Variants in MAP3K13 observed in about 807,000 individuals in gnomAD.
MAP3K13 encodes the protein leucine zipper-bearing kinase.
MAP3K13 carries 52 observed loss-of-function variants against 104.0 expected under a neutral mutation model. The observed-to-expected ratio is 0.50, with a 90% CI of 0.40 to 0.63. The LOEUF is 0.63. Among genes scored for constraint, MAP3K13 ranks in the 20% least tolerant of loss-of-function variants. MAP3K13 has a pLI of 0.00. For missense variants in MAP3K13, 914 were observed against 1,218.5 expected (o/e 0.75, Z 3.72); for synonymous variants, 394 against 442.2 (o/e 0.89, Z 1.37).
At chr3:185,479,042 A>G (rs1577630691) in intron 12 of MAP3K13, among the ~76,000 whole-genome samples, 1 of 152,160 alleles carries the variant, frequency 6.6e-6, no homozygotes, top group Non-Finnish European at 1.5e-5. Flanking sequence ...CTTATAAACA[A>G]CGGGAAGGAA....
chr3:185,390,789 A>G (rs1220898242), intron 1 of MAP3K13, among the ~76,000 whole-genome samples: 1 of 107,166 alleles, frequency 9.3e-6, no homozygotes, highest in African/African-American at 3.8e-5. Flanking sequence ...ACGCCCAGCT[A>G]ATTTTTGTAT....
chr3:185,389,834 T>C (rs1560079843), intron 1 of MAP3K13, among the ~76,000 whole-genome samples: 1 of 152,124 alleles, frequency 6.6e-6, no homozygotes, highest in Non-Finnish European at 1.5e-5. Flanking sequence ...ATAATAAACC[T>C]ATCATACAGT....
chr3:185,365,032 A>T lies in MAP3K13; in HGVS notation c.-86+1664A>T, dbSNP rs942600067. ...GTTGTTTAATAATCAAACTCATCTT[A>T]AAAAATGTTCATCAGACTCTGTCTT... On this transcript the variant is annotated intron_variant, in intron 1 of 13. Coordinates refer to ENST00000265026, the MANE Select transcript of MAP3K13 (RefSeq NM_004721.5). Among the ~76,000 whole-genome samples the T allele has an allele frequency of 7.2e-5, 11 of 152,194 alleles. No individual in the cohort carries two copies. In the East Asian group the frequency reaches 9.6e-4, roughly 13 times the overall value.
chr3:185,441,701 G>A (rs980505653), intron 3 of MAP3K13, among the ~76,000 whole-genome samples: 2 of 151,866 alleles, frequency 1.3e-5, no homozygotes, highest in African/African-American at 2.4e-5. Flanking sequence ...ACAGGAGTTC[G>A]AGAGCAGCCT....
In MAP3K13 at chr3:185,428,779, A is replaced by G. The variant is rs754880556; in HGVS notation, c.198A>G (p.Thr66=). 1 of 1,614,160 alleles carries G rather than the reference A, an allele frequency of 6.2e-7. No individual in the cohort carries two copies. The change falls in exon 2 of 14, where the codon ACA becomes ACG. Residue 66 remains threonine (T), a synonymous_variant. Transcript: ENST00000265026. ...AGAGCGTGCACAGCCCCGTCACCACAACAGTGTTGACGAGCGTAAGTGAGG... is the reference window on the plus strand; with the variant it reads ...AGAGCGTGCACAGCCCCGTCACCACGACAGTGTTGACGAGCGTAAGTGAGG... ...LIESVHSPVT[T]TVLTSVSEDS... is the part of the protein sequence containing the mutation.
chr3:185,294,789 A>G (rs1720861426), intron 2 of MAP3K13, among the ~76,000 whole-genome samples: 1 of 152,232 alleles, frequency 6.6e-6, no homozygotes, highest in East Asian at 1.9e-4. Flanking sequence ...AAAGTTCAAG[A>G]GAGTAGTTAA....
chr3:185,473,910 T>C lies in MAP3K13; in HGVS notation c.2430+149T>C. On this transcript the variant is annotated intron_variant, in intron 11 of 13. Coordinates refer to ENST00000265026, the MANE Select transcript of MAP3K13 (RefSeq NM_004721.5). This position sits in a 1 kb window ranked among gnomAD's most constrained non-coding sequence, Gnocchi z 4.9. Reference sequence around the variant, plus strand: ...AAACATAAATAGAAATTTATTTTACTTTAAATTCGTTCTTTCCACACTGTT... The same window carrying C: ...AAACATAAATAGAAATTTATTTTACCTTAAATTCGTTCTTTCCACACTGTT... 1 of 943,318 alleles carries C rather than the reference T, an allele frequency of 1.1e-6. No individual in the cohort carries two copies. Among genetic ancestry groups the C allele is most frequent in the South Asian group, 1.8e-5 (1 of 55,166 alleles). 58.4% of individuals were successfully genotyped at this position (943,318 alleles called of 1,614,324 possible). A position where few individuals can be genotyped will look rare whatever the true frequency, so the allele number is the denominator to read the frequency against.
chr3:185,457,391 C>T (rs1035255551), intron 7 of MAP3K13, among the ~76,000 whole-genome samples: 4 of 152,320 alleles, frequency 2.6e-5, no homozygotes, highest in African/African-American at 7.2e-5. Flanking sequence ...GTTAGTCTCA[C>T]GGTTCTGGAG....
rs377014980 is a variant in MAP3K13, at chr3:185,450,959, G to A, written c.1170-328G>A. ...AAAAAAATTAGCCAGGTCTGGTGGC[G>A]GGTGCCTGTAGTCCCAGCTACTCAG... On this transcript the variant is annotated intron_variant, in intron 6 of 13. Coordinates refer to ENST00000265026, the MANE Select transcript of MAP3K13 (RefSeq NM_004721.5). This position sits in a 1 kb window ranked among gnomAD's most constrained non-coding sequence, Gnocchi z 4.2. 3.9e-5 allele frequency among the ~76,000 whole-genome samples: 6 copies of A among 152,230 alleles called. No homozygotes were observed. The highest frequency in any genetic ancestry group is 3.9e-4 in the East Asian group (2 of 5,178).
chr3:185,459,419 A>T (rs572287195), intron 7 of MAP3K13, among the ~76,000 whole-genome samples: 1 of 152,128 alleles, frequency 6.6e-6, no homozygotes, highest in Non-Finnish European at 1.5e-5. Context: ...TAAAATAAAG[A>T]TAGTATAAAA....
intron 2 of MAP3K13, among the ~76,000 whole-genome samples, chr3:185,314,036 T>C (rs1455113896): frequency 6.6e-6 from 1 of 152,256 alleles, no homozygotes; most frequent in African/African-American, 2.4e-5. Context: ...AGATCCAGAT[T>C]CAGTCCTTGA....
intron 2 of MAP3K13, chr3:185,328,587 C>T (rs1421428105): frequency 1.3e-5 from 2 of 152,220 alleles, no homozygotes; most frequent in Non-Finnish European, 2.9e-5. Flanking sequence ...ATATTTGAAG[C>T]TCAGAGGACT....
intron 2 of MAP3K13, among the ~76,000 whole-genome samples, chr3:185,337,311 T>C (rs545379432): frequency 3.3e-5 from 5 of 152,314 alleles, no homozygotes; most frequent in South Asian, 4.2e-4. Context: ...ACACTTGCAA[T>C]ACAAACTTAG....
chr3:185,368,510 A>C (rs545776262), intron 1 of MAP3K13, among the ~76,000 whole-genome samples: 2 of 152,168 alleles, frequency 1.3e-5, no homozygotes, highest in African/African-American at 4.8e-5. Context: ...GGTGCAGTGG[A>C]AGGTAAGAAG....
intron 2 of MAP3K13, among the ~76,000 whole-genome samples, chr3:185,295,466 G>A (rs1720889974): frequency 6.6e-6 from 1 of 152,214 alleles, no homozygotes; most frequent in South Asian, 2.1e-4. Context: ...GCCTCCCAAA[G>A]TGCTGGGATT....
At chr3:185,398,377 A>T (rs551793924) in intron 1 of MAP3K13, among the ~76,000 whole-genome samples, 4 of 152,336 alleles carry the variant, frequency 2.6e-5, no homozygotes, top group African/African-American at 9.6e-5. Flanking sequence ...TATCCTGTGA[A>T]GGCAGATGAG....
intron 2 of MAP3K13, among the ~76,000 whole-genome samples, chr3:185,320,351 G>A (rs1441609520): frequency 6.6e-6 from 1 of 152,172 alleles, no homozygotes; most frequent in Non-Finnish European, 1.5e-5. Context: ...AAAGTACTGG[G>A]ATTACAGGCA....
At chr3:185,365,502 C>T (rs532253608) in intron 1 of MAP3K13, among the ~76,000 whole-genome samples, 4 of 152,106 alleles carry the variant, frequency 2.6e-5, no homozygotes, top group Non-Finnish European at 5.9e-5. Context: ...GTTTGGTTTG[C>T]GTTGTGTGCC....
chr3:185,458,851 T>C (rs1716927289), intron 7 of MAP3K13, among the ~76,000 whole-genome samples: 1 of 152,250 alleles, frequency 6.6e-6, no homozygotes, highest in African/African-American at 2.4e-5. Context: ...GTAGCCTATA[T>C]GGAGCAGATG....
Sources: allele counts gnomAD v4.1 joint callset (sites outside exome capture counted in the v4.1 genomes callset), GRCh38; gene constraint gnomAD v4.1.1; non-coding constraint Gnocchi (gnomAD v3.1); transcripts MANE v1.5; gene names NCBI Gene and HGNC (gene_info 2026-07-23, HGNC 2026-07-21).